Variants in MCPH1 observed in about 807,000 individuals in gnomAD.
MCPH1 encodes microcephalin 1.
A neutral mutation model predicts 84.5 loss-of-function variants in MCPH1; 104 were observed. The ratio of observed to expected loss-of-function variants is 1.23; its 90% CI spans 1.05 to 1.45. The LOEUF (loss-of-function observed/expected upper bound fraction) is 1.45, where lower values mean the gene tolerates loss of function less well. Among genes scored for constraint, MCPH1 ranks in the 40% most tolerant of loss-of-function variants. The pLI is 0.00. For synonymous variants in MCPH1, 514 were observed against 366.8 expected (o/e 1.40, Z -4.58); for missense variants, 1,498 against 1,005.7 (o/e 1.49, Z -6.62).
At chr8:6,576,723 T>TTTTTTTG (rs1563148357) in intron 12 of MCPH1, among the ~76,000 whole-genome samples, 2 of 101,268 alleles carry the variant, frequency 2.0e-5, no homozygotes, top group African/African-American at 9.0e-5. Flanking sequence ...TTTTTTTTTT[T>TTTTTTTG]TTTTAGTAGA....
intron 3 of MCPH1, among the ~76,000 whole-genome samples, chr8:6,416,323 C>T (rs570432292): frequency 6.5e-4 from 98 of 151,506 alleles, no homozygotes; most frequent in Non-Finnish European, 1.2e-3. Flanking sequence ...GTTATTTGTT[C>T]TGGCCAGAAC....
chr8:6,464,862 G>A (rs1017122035), intron 9 of MCPH1, among the ~76,000 whole-genome samples: 1 of 152,172 alleles, frequency 6.6e-6, no homozygotes, highest in African/African-American at 2.4e-5. Flanking sequence ...ACCTGGGTGT[G>A]GTGGTACACA....
At chr8:6,448,887 A>G (rs182836941) in intron 8 of MCPH1, among the ~76,000 whole-genome samples, 1 of 152,322 alleles carries the variant, frequency 6.6e-6, no homozygotes, top group Non-Finnish European at 1.5e-5. Context: ...TACTCATGAG[A>G]TGATTACATA....
Position 6,646,251 on chromosome 8 carries a change from C to T in MCPH1, c.*3202C>T, listed in dbSNP as rs1038881043. 1 of 152,130 alleles carries T rather than the reference C, an allele frequency of 6.6e-6. No individual in the cohort carries two copies. The highest frequency in any genetic ancestry group is 2.4e-5 in the African/African-American group (1 of 41,422). 9.4% of individuals were successfully genotyped at this position (152,130 alleles called of 1,614,324 possible). A position where few individuals can be genotyped will look rare whatever the true frequency, so the allele number is the denominator to read the frequency against. On this transcript the variant is annotated 3_prime_UTR_variant, in exon 14 of 14. Transcript: ENST00000344683. ...ACCAGCCTGGCCAACTTGGTGAAACCTTGTCTCTACTAGAAATACAAAAAA... is the reference window on the plus strand; with the variant it reads ...ACCAGCCTGGCCAACTTGGTGAAACTTTGTCTCTACTAGAAATACAAAAAA...
intron 12 of MCPH1, among the ~76,000 whole-genome samples, chr8:6,602,564 C>G (rs540275123): frequency 1.3e-5 from 2 of 152,082 alleles, no homozygotes; most frequent in African/African-American, 4.8e-5. Context: ...ACTCAGAGAG[C>G]CTTCCCCAAA....
intron 1 of MCPH1, 119 bp downstream of exon 1, chr8:6,406,808 G>T (rs542792375): frequency 3.4e-5 from 39 of 1,138,354 alleles, no homozygotes; most frequent in Non-Finnish European, 4.5e-5. Context: ...CTCGCTGCCT[G>T]TCTCCCCCAG....
rs754130326 is a variant in MCPH1, at chr8:6,445,279, C to T, written c.1557C>T (p.Cys519=). Residue 519 remains cysteine (C), a synonymous_variant, in exon 8 of 14, where the codon TGC becomes TGT. Transcript: ENST00000344683. ...CCRQAGKEDA[C]PEGNGFSYTI... is the part of the protein sequence containing the mutation. ...GACAGGCTGGGAAAGAAGACGCATG[C>T]CCAGAGGGAAATGGCTTTTCTTACA... is the stretch of plus-strand genomic sequence containing the variant. 1.9e-6 allele frequency: 3 copies of T among 1,614,068 alleles called. No homozygotes were observed. The highest frequency in any genetic ancestry group is 3.3e-5 in the Admixed American group (2 of 60,004).
Position 6,444,935 on chromosome 8 carries a change from C to G in MCPH1, c.1213C>G (p.Leu405Val), listed in dbSNP as rs780510014. 5.6e-6 allele frequency: 9 copies of G among 1,614,184 alleles called. No individual in the cohort carries two copies. The South Asian group carries it at 7.7e-5, about 14-fold the overall frequency. Residue 405 changes from leucine to valine, a missense_variant, in exon 8 of 14, where the codon CTT becomes GTT. Transcript: ENST00000344683. Reference sequence around the variant, plus strand: ...CGTGGCGGGACCTGCCCTGGAGGCTCTTAGCTGTGGGGAGTCTTCATATGA... The same window carrying G: ...CGTGGCGGGACCTGCCCTGGAGGCTGTTAGCTGTGGGGAGTCTTCATATGA... ...QHVAGPALEA[L>V]SCGESSYDDY...
At chr8:6,426,021 C>T (rs1385041972) in intron 3 of MCPH1, among the ~76,000 whole-genome samples, 3 of 152,170 alleles carry the variant, frequency 2.0e-5, no homozygotes, top group Non-Finnish European at 4.4e-5. Flanking sequence ...AAAAACTTCT[C>T]ATGCTTAAAA....
At chr8:6,454,388 C>A (rs1333286235) in intron 8 of MCPH1, among the ~76,000 whole-genome samples, 2 of 152,156 alleles carry the variant, frequency 1.3e-5, no homozygotes, top group Admixed American at 1.3e-4. Context: ...TTGCATTATA[C>A]CATTGAGACC....
intron 3 of MCPH1, among the ~76,000 whole-genome samples, chr8:6,424,588 AGGTCACTGACCAGT>A (rs1399609236): frequency 6.6e-6 from 1 of 152,196 alleles, no homozygotes; most frequent in Non-Finnish European, 1.5e-5. Flanking sequence ...ACACTGTTTA[AGGTCACTGACCAGT>A]GATAGGAACG....
At chr8:6,566,918 TGG>T (rs1826217808) in intron 12 of MCPH1, among the ~76,000 whole-genome samples, 1 of 149,088 alleles carries the variant, frequency 6.7e-6, no homozygotes. Flanking sequence ...GGCAAGGCCA[TGG>T]ATAGTGCACG....
intron 12 of MCPH1, among the ~76,000 whole-genome samples, chr8:6,566,819 C>G (rs984561349): frequency 1.5e-5 from 2 of 131,190 alleles, no homozygotes. Context: ...ATCCGCAAGG[C>G]CATGGATAGT....
chr8:6,435,633 C>T (rs1028388347), intron 4 of MCPH1, among the ~76,000 whole-genome samples: 1 of 152,094 alleles, frequency 6.6e-6, no homozygotes, highest in Non-Finnish European at 1.5e-5. Context: ...GCTTGGTTCA[C>T]CTGGGCATGC....
At chr8:6,445,590 A>T (rs759078212) in intron 8 of MCPH1, 43 bp downstream of exon 8, 4 of 1,536,642 alleles carry the variant, frequency 2.6e-6, no homozygotes, top group Non-Finnish European at 1.7e-6. Flanking sequence ...CTAAATAAAC[A>T]TGTAACAGTG....
At position 6,643,209 on chromosome 8, in the gene MCPH1, G is replaced by A. The variant is rs1798047734; in HGVS notation, c.*160G>A. ...TTGTGGTTCTTAAGAACTCATAGGTGACTTTCTGATGACTGAATGTCTGTT... is the reference window on the plus strand; with the variant it reads ...TTGTGGTTCTTAAGAACTCATAGGTAACTTTCTGATGACTGAATGTCTGTT... On this transcript the variant is annotated 3_prime_UTR_variant, in exon 14 of 14. Transcript: ENST00000344683. 4 of 700,696 alleles carry A rather than the reference G, an allele frequency of 5.7e-6. No homozygotes were observed. Among genetic ancestry groups the A allele is most frequent in the East Asian group, 2.7e-5 (1 of 37,044 alleles). 43.4% of individuals were successfully genotyped at this position (700,696 alleles called of 1,614,324 possible).
intron 12 of MCPH1, among the ~76,000 whole-genome samples, chr8:6,567,368 G>T (rs544705834): frequency 6.6e-6 from 1 of 152,064 alleles, no homozygotes; most frequent in Non-Finnish European, 1.5e-5. Context: ...TGTTTGATCG[G>T]CAAGGCCATG....
At chr8:6,446,168 ATAATT>A in intron 8 of MCPH1, 2 of 888,912 alleles carry the variant, frequency 2.2e-6, no homozygotes. Flanking sequence ...ACTCCTATTC[ATAATT>A]TAATTGTAAT....
At chr8:6,407,008 A>G (rs1226223751) in intron 1 of MCPH1, 1 of 339,024 alleles carries the variant, frequency 2.9e-6, no homozygotes, top group African/African-American at 3.5e-5. Context: ...CCGTGCTGCT[A>G]GTTCCCCTCA....
Sources: allele counts gnomAD v4.1 joint callset (sites outside exome capture counted in the v4.1 genomes callset), GRCh38; gene constraint gnomAD v4.1.1; transcripts MANE v1.5; gene names NCBI Gene and HGNC (gene_info 2026-07-23, HGNC 2026-07-21).